THRAP3: variants seen among roughly 807,000 people sequenced by gnomAD.
THRAP3 encodes the protein thyroid hormone receptor-associated protein 3.
Under a neutral mutation model 101.0 loss-of-function variants are expected in THRAP3, and 16 were observed. The observed-to-expected ratio is 0.16, with a 90% confidence interval of 0.11 to 0.24. The LOEUF (loss-of-function observed/expected upper bound fraction) is 0.24. Ranked by LOEUF, THRAP3 falls within the 10% of genes least tolerant of loss-of-function variation. The pLI is 1.00. For synonymous variants in THRAP3, 407 were observed against 422.6 expected (o/e 0.96, Z 0.45); for missense variants, 989 against 1,202.7 (o/e 0.82, Z 2.63).
intron 8 of THRAP3, 52 bp from the exon 9 acceptor site, chr1:36,296,531 A>C: frequency 6.9e-7 from 1 of 1,439,280 alleles, no homozygotes; most frequent in Non-Finnish European, 9.3e-7. Context: ...GGGATGGTTG[A>C]GTTGACAGCT....
intron 2 of THRAP3, among the ~76,000 whole-genome samples, chr1:36,268,406 G>A (rs1428568244): frequency 1.3e-5 from 2 of 152,164 alleles, no homozygotes; most frequent in African/African-American, 4.8e-5. Flanking sequence ...ATGGATAAGA[G>A]CCGGTCCAGT....
At chr1:36,275,404 G>A (rs1645645640) in intron 2 of THRAP3, among the ~76,000 whole-genome samples, 2 of 150,468 alleles carry the variant, frequency 1.3e-5, no homozygotes, top group Admixed American at 6.6e-5. Context: ...TGGCTAACAT[G>A]GCGAAACCCT....
intron 1 of THRAP3, among the ~76,000 whole-genome samples, chr1:36,242,864 CTCTTCTGTTT>C (rs1449444834): frequency 6.6e-6 from 1 of 152,070 alleles, no homozygotes; most frequent in Non-Finnish European, 1.5e-5. Context: ...TACAGATATT[CTCTTCTGTTT>C]TCTTCTAAAA....
chr1:36,295,756 C>CA (rs1645941184), intron 8 of THRAP3, among the ~76,000 whole-genome samples: 1 of 151,872 alleles, frequency 6.6e-6, no homozygotes, highest in African/African-American at 2.4e-5. Context: ...CAGTATAACT[C>CA]AGGGTTTTGA....
chr1:36,241,511 C>T (rs1645161030), intron 1 of THRAP3, among the ~76,000 whole-genome samples: 1 of 148,380 alleles, frequency 6.7e-6, no homozygotes, highest in Non-Finnish European at 1.5e-5. Context: ...GAGTATTTTG[C>T]ATTGTGATAT....
intron 8 of THRAP3, among the ~76,000 whole-genome samples, chr1:36,295,169 G>A (rs1158393232): frequency 1.4e-5 from 2 of 145,148 alleles, no homozygotes; most frequent in Non-Finnish European, 3.0e-5. Context: ...GTTGCAATGA[G>A]CCAAGATCCC....
At chr1:36,217,785 TAGTA>T in the THRAP3 span, among the ~76,000 whole-genome samples, 2,638 of 152,246 alleles carry the variant, frequency 0.017, 34 homozygotes, top group Non-Finnish European at 0.021. Flanking sequence ...GTGGTAAACT[TAGTA>T]AGTGTTGTGT....
At chr1:36,238,324 T>G (rs1018180473) in intron 1 of THRAP3, among the ~76,000 whole-genome samples, 19 of 152,212 alleles carry the variant, frequency 1.2e-4, no homozygotes, top group Non-Finnish European at 2.6e-4. Flanking sequence ...TTTCTGTTTG[T>G]GGGAAATTTG....
intron 1 of THRAP3, among the ~76,000 whole-genome samples, chr1:36,236,594 A>G (rs1645091356): frequency 6.6e-6 from 1 of 151,886 alleles, no homozygotes; most frequent in Admixed American, 6.6e-5. Flanking sequence ...CCACTGCACC[A>G]GTCTACCTTG....
chr1:36,242,058 A>G (rs933605390), intron 1 of THRAP3: 1 of 174,156 alleles, frequency 5.7e-6, no homozygotes, highest in Non-Finnish European at 1.3e-5. Flanking sequence ...GCTGGAATTA[A>G]TTTTTCCATT....
rs182785489 is a variant in THRAP3 at position 36,304,408 on chromosome 1, G to T, written c.*391G>T. ...TAAGATGACTAATTTGATGATTTTCGATCTCTTTTCCCCTGTCCTGATTTT... is the reference window on the plus strand; with the variant it reads ...TAAGATGACTAATTTGATGATTTTCTATCTCTTTTCCCCTGTCCTGATTTT... On this transcript the variant is annotated 3_prime_UTR_variant, in exon 12 of 12. Transcript: ENST00000354618. The T allele has an allele frequency of 7.0e-4, 160 of 228,544 alleles. No homozygotes were observed. Among genetic ancestry groups the T allele is most frequent in the East Asian group, 5.9e-3 (95 of 16,212 alleles). The allele number at this position is 228,544 out of a possible 1,614,324, so 14.2% of individuals were successfully genotyped here.
the THRAP3 span, among the ~76,000 whole-genome samples, chr1:36,217,480 G>T: frequency 3.9e-5 from 6 of 152,104 alleles, no homozygotes; most frequent in African/African-American, 1.2e-4. Flanking sequence ...TGGTAGAAAG[G>T]TTGGAAGAGA....
chr1:36,275,990 A>G (rs10796878), intron 2 of THRAP3, among the ~76,000 whole-genome samples: 143,956 of 152,212 alleles, frequency 0.95, 68,606 homozygotes, highest in Middle Eastern at 1. Context: ...CTGCATTCCA[A>G]CCTGAGTGAC....
At chr1:36,243,976 A>G (rs555055132) in intron 1 of THRAP3, among the ~76,000 whole-genome samples, 936 of 73,006 alleles carry the variant, frequency 0.013, 27 homozygotes, top group African/African-American at 0.049. Context: ...GGGGGGCTGA[A>G]CCCCCCACCT....
intron 11 of THRAP3, among the ~76,000 whole-genome samples, chr1:36,302,699 C>T (rs570235452): frequency 2.0e-5 from 3 of 152,176 alleles, no homozygotes; most frequent in Admixed American, 2.0e-4. Flanking sequence ...GTGGTTTAGA[C>T]TCTGAAGTCA....
intron 2 of THRAP3, among the ~76,000 whole-genome samples, chr1:36,279,856 A>AT (rs1480715311): frequency 3.9e-5 from 6 of 152,222 alleles, no homozygotes; most frequent in Non-Finnish European, 7.3e-5. Context: ...CAGTTTATCT[A>AT]TATCTTGTCA....
In THRAP3 at chr1:36,289,297, C is replaced by G; in HGVS notation, c.1278C>G (p.His426Gln). The stretch of plus-strand genomic sequence containing the variant: ...TTGAGAAGAAGATGGCTGACTTCCA[C>G]AAGGAGGAGATGGATGATCAAGATA... ...DDFEKKMADF[H>Q]KEEMDDQDKD... The change falls in exon 5 of 12, where the codon CAC (histidine) becomes CAG (glutamine). Residue 426 changes from histidine (H) to glutamine (Q), a missense_variant. By Grantham distance (24) the His-to-Gln change is conservative. Coordinates refer to ENST00000354618, the MANE Select transcript of THRAP3 (RefSeq NM_005119.4). 1 of 1,613,902 alleles carries G rather than the reference C, an allele frequency of 6.2e-7. No homozygotes were observed. The highest frequency in any genetic ancestry group is 8.5e-7 in the Non-Finnish European group (1 of 1,180,012).
At chr1:36,256,207 ATTG>A (rs756188699) in intron 1 of THRAP3, among the ~76,000 whole-genome samples, 2,174 of 144,322 alleles carry the variant, frequency 0.015, 38 homozygotes, top group African/African-American at 0.038. Flanking sequence ...TATTATTATT[ATTG>A]TTATTATTGT....
intron 2 of THRAP3, among the ~76,000 whole-genome samples, chr1:36,267,152 G>A (rs1645525626): frequency 6.6e-6 from 1 of 152,028 alleles, no homozygotes; most frequent in African/African-American, 2.4e-5. Context: ...CCAAAGTGCT[G>A]GTATTACAGG....
Sources: gnomAD v4.1 joint callset for allele counts (sites outside exome capture counted in the v4.1 genomes callset) on GRCh38, gnomAD v4.1.1 for gene constraint, MANE v1.5 for transcripts, NCBI Gene and HGNC (gene_info 2026-07-23, HGNC 2026-07-21) for gene names.